SPATA13: variants seen among roughly 807,000 people sequenced by gnomAD.
SPATA13 encodes spermatogenesis-associated protein 13.
SPATA13 carries 50 observed loss-of-function variants against 104.0 expected under a neutral mutation model. The ratio of observed to expected loss-of-function variants is 0.48; its 90% confidence interval spans 0.38 to 0.61. The LOEUF is 0.61. SPATA13 is among the 20% of genes least tolerant of loss of function. The pLI is 0.00. For missense variants in SPATA13, 1,524 were observed against 1,690.6 expected (o/e 0.90, Z 1.73); for synonymous variants, 606 against 667.5 (o/e 0.91, Z 1.42).
At chr13:24,105,578 G>A (rs1339642948) in intron 3 of SPATA13, among the ~76,000 whole-genome samples, 6 of 152,116 alleles carry the variant, frequency 3.9e-5, no homozygotes, top group Non-Finnish European at 8.8e-5. Flanking sequence ...AAAGAAAAGG[G>A]TGAGATTTGA....
At chr13:24,226,582 G>A (rs1289122175) in intron 2 of SPATA13, among the ~76,000 whole-genome samples, 1 of 152,182 alleles carries the variant, frequency 6.6e-6, no homozygotes, top group African/African-American at 2.4e-5. Context: ...GCATTCATGT[G>A]TATATATTGC....
chr13:24,289,231 G>A, intron 8 of SPATA13, 53 bp downstream of exon 8: 1 of 1,451,926 alleles, frequency 6.9e-7, no homozygotes, highest in Non-Finnish European at 9.4e-7. Context: ...TAATTTTGAA[G>A]TGCATCTCCA....
chr13:24,287,804 C>G (rs912100546), intron 7 of SPATA13, among the ~76,000 whole-genome samples: 4 of 152,218 alleles, frequency 2.6e-5, no homozygotes, highest in African/African-American at 7.2e-5. Context: ...GTTTTGTCTT[C>G]CTGTGGTATT....
chr13:24,256,643 G>A (rs371879099), intron 4 of SPATA13, among the ~76,000 whole-genome samples: 10 of 151,844 alleles, frequency 6.6e-5, no homozygotes, highest in African/African-American at 2.4e-4. Flanking sequence ...TGGCAGCGCC[G>A]TGCTGTGCTC....
intron 3 of SPATA13, among the ~76,000 whole-genome samples, chr13:24,113,625 A>C (rs562000894): frequency 2.6e-4 from 40 of 152,182 alleles, no homozygotes; most frequent in African/African-American, 8.9e-4. Context: ...TAATCCCAGC[A>C]CTTTGGGAGG....
intron 2 of SPATA13, among the ~76,000 whole-genome samples, chr13:23,986,226 G>A (rs920042876): frequency 6.6e-6 from 1 of 152,156 alleles, no homozygotes; most frequent in Non-Finnish European, 1.5e-5. Context: ...GAAACTATAT[G>A]CCAAATTCCA....
intron 3 of SPATA13, among the ~76,000 whole-genome samples, chr13:24,084,370 T>C (rs993306796): frequency 6.6e-6 from 1 of 152,202 alleles, no homozygotes; most frequent in African/African-American, 2.4e-5. Flanking sequence ...CTACTTATGA[T>C]GCTCCCTTAA....
In SPATA13 at chr13:24,134,127, T is replaced by C. The variant is rs558766440; in HGVS notation, c.-111-88692T>C. 1.1e-4 allele frequency among the ~76,000 whole-genome samples: 16 copies of C among 152,256 alleles called. No individual in the cohort carries two copies. In the South Asian group the frequency reaches 2.5e-3, roughly 24 times the overall value. On this transcript the variant is annotated intron_variant, in intron 3 of 14. Coordinates refer to the SPATA13 transcript ENST00000424834. ...GGTACCCAGATAGAACTCTGCCAGGTGAGAAATGCCAAGAGAGCTGCAAAA... is the reference window on the plus strand; with the variant it reads ...GGTACCCAGATAGAACTCTGCCAGGCGAGAAATGCCAAGAGAGCTGCAAAA...
At chr13:24,224,678 G>T in intron 2 of SPATA13, 96 bp downstream of exon 2, 1 of 1,306,488 alleles carries the variant, frequency 7.7e-7, no homozygotes, top group Non-Finnish European at 1.1e-6. Context: ...GTCAAGGTCA[G>T]TGGCCCTCTG....
intron 3 of SPATA13, among the ~76,000 whole-genome samples, chr13:24,079,660 C>G (rs1022975536): frequency 1.3e-5 from 2 of 152,050 alleles, no homozygotes; most frequent in Admixed American, 6.6e-5. Context: ...TTCCTGGGCT[C>G]TACTTTATTT....
chr13:24,165,528 G>A (rs963429909), intron 1 of SPATA13, among the ~76,000 whole-genome samples: 8 of 152,130 alleles, frequency 5.3e-5, no homozygotes, highest in African/African-American at 1.7e-4. Flanking sequence ...GGGTTCCTGG[G>A]CCACCCAGTC....
At chr13:24,195,616 G>A (rs1422163868) in intron 1 of SPATA13, among the ~76,000 whole-genome samples, 1 of 152,156 alleles carries the variant, frequency 6.6e-6, no homozygotes, top group Non-Finnish European at 1.5e-5. Flanking sequence ...ACTGCTAAAG[G>A]ACAGTATAAT....
intron 1 of SPATA13, among the ~76,000 whole-genome samples, chr13:23,983,060 A>C (rs1017834610): frequency 6.6e-6 from 1 of 152,234 alleles, no homozygotes; most frequent in Non-Finnish European, 1.5e-5. Context: ...GGAAGAGTCA[A>C]GTGAAGTTGA....
At chr13:24,085,369 C>T (rs965388194) in intron 3 of SPATA13, among the ~76,000 whole-genome samples, 8 of 152,132 alleles carry the variant, frequency 5.3e-5, no homozygotes, top group Non-Finnish European at 8.8e-5. Flanking sequence ...TCAGGTGATC[C>T]GCCCACCTCA....
intron 3 of SPATA13, among the ~76,000 whole-genome samples, chr13:24,095,245 A>G (rs1380750736): frequency 6.6e-6 from 1 of 152,262 alleles, no homozygotes; most frequent in East Asian, 1.9e-4. Flanking sequence ...AAAAAGAAGA[A>G]AAGCCTGTTA....
At chr13:24,292,650 A>G (rs1462343673) in intron 9 of SPATA13, among the ~76,000 whole-genome samples, 11 of 152,086 alleles carry the variant, frequency 7.2e-5, no homozygotes, top group Admixed American at 7.2e-4. Flanking sequence ...TGGAGAGTGA[A>G]TCATTATTTT....
At chr13:24,240,277 C>T (rs1872769400) in intron 2 of SPATA13, among the ~76,000 whole-genome samples, 1 of 151,792 alleles carries the variant, frequency 6.6e-6, no homozygotes, top group African/African-American at 2.4e-5. Context: ...AAAAAAATTA[C>T]AACCTACCAA....
intron 1 of SPATA13, among the ~76,000 whole-genome samples, chr13:24,215,960 GTT>G (rs900124402): frequency 5.3e-5 from 8 of 152,204 alleles, no homozygotes. Flanking sequence ...GAACTTCATT[GTT>G]ACTGCTGCAA....
intron 2 of SPATA13, among the ~76,000 whole-genome samples, chr13:24,012,593 C>T (rs997877766): frequency 1.2e-4 from 19 of 152,330 alleles, no homozygotes; most frequent in African/African-American, 4.3e-4. Context: ...CTCAGGGGCT[C>T]CCCTGGTTGA....
Sources: allele counts gnomAD v4.1 joint callset (sites outside exome capture counted in the v4.1 genomes callset), GRCh38; gene constraint gnomAD v4.1.1; transcripts MANE v1.5; gene names NCBI Gene and HGNC (gene_info 2026-07-23, HGNC 2026-07-21).